AKAP9: variants seen among roughly 807,000 people sequenced by gnomAD.
AKAP9 encodes the protein A-kinase anchoring protein 9, also known as A-kinase anchor protein 9.
Under a neutral mutation model 488.5 loss-of-function variants are expected in AKAP9, and 311 were observed. The ratio of observed to expected loss-of-function variants is 0.64; its 90% CI spans 0.58 to 0.70. The LOEUF (loss-of-function observed/expected upper bound fraction) is 0.70, where lower values mean the gene tolerates loss of function less well. Among genes scored for constraint, AKAP9 ranks in the 30% least tolerant of loss-of-function variants. AKAP9 has a pLI of 0.00. For synonymous variants in AKAP9, 1,462 were observed against 1,483.5 expected, an observed-to-expected ratio of 0.99 and a Z score of 0.33; for missense variants, 4,215 against 4,374.5, an observed-to-expected ratio of 0.96 and a Z score of 1.03.
chr7:91,978,678 T>C (rs1447280631), intron 2 of AKAP9, among the ~76,000 whole-genome samples: 1 of 152,124 alleles, frequency 6.6e-6, no homozygotes, highest in African/African-American at 2.4e-5. Context: ...TCTTTAGTTA[T>C]TACTTTTTTT....
chr7:91,954,752 A>G (rs970230231), intron 1 of AKAP9, among the ~76,000 whole-genome samples: 1 of 152,144 alleles, frequency 6.6e-6, no homozygotes, highest in Admixed American at 6.5e-5. Flanking sequence ...AAATCAGAAA[A>G]TCTGCAGTGT....
rs1471190316 is a variant in AKAP9 at position 92,097,751 on chromosome 7, G to A, written c.10564G>A (p.Val3522Ile). The change falls in exon 42 of 50, where the codon GTA becomes ATA. Residue 3522 changes from valine (V) to isoleucine (I), a missense_variant. Transcript: ENST00000356239. ...AATGATCAGACAAAAGCTTCAATGT[G>A]TAGCTTCAAAACTACAGGTTCTACC... ...LEMIRQKLQC[V>I]ASKLQVLPQK... The A allele has an allele frequency of 2.5e-6, 4 of 1,614,204 alleles. No homozygotes were observed. The highest frequency in any genetic ancestry group is 3.3e-5 in the Admixed American group (2 of 60,028).
At position 92,083,028 on chromosome 7, in the gene AKAP9, G is replaced by T. The variant is rs893778399; in HGVS notation, c.8161-142G>T. 7.6e-6 allele frequency: 7 copies of T among 921,418 alleles called. No individual in the cohort carries two copies. The African/African-American group carries it at 1.0e-4, about 13-fold the overall frequency. The allele number at this position is 921,418 out of a possible 1,614,324, so 57.1% of individuals were successfully genotyped here. A position where few individuals can be genotyped will look rare whatever the true frequency, so the allele number is the denominator to read the frequency against. ...AAATATATATATGTAAACTGTGAGC[G>T]TTTCTGAAATGTTTTTCCTACTACT... On this transcript the variant is annotated intron_variant, in intron 32 of 49. Transcript: ENST00000356239.
chr7:91,993,150 AT>A (rs1491281365), intron 5 of AKAP9, 95 bp downstream of exon 5: 188 of 1,346,014 alleles, frequency 1.4e-4, no homozygotes, highest in East Asian at 1.9e-4. Context: ...GGTTTTTAAA[AT>A]TTTTTTTTAA....
chr7:92,092,392 A>C (rs1815784104), intron 38 of AKAP9: 1 of 152,210 alleles, frequency 6.6e-6, no homozygotes, highest in Non-Finnish European at 1.5e-5. Flanking sequence ...AGTGCTCATC[A>C]TTGTAGTAAC....
intron 26 of AKAP9, among the ~76,000 whole-genome samples, chr7:92,067,424 A>AT (rs1156878675): frequency 6.7e-6 from 1 of 150,354 alleles, no homozygotes. Context: ...AACCTGCCCC[A>AT]TTGCTGAGAA....
At chr7:91,998,652 G>C (rs1456558542) in intron 7 of AKAP9, among the ~76,000 whole-genome samples, 1 of 151,390 alleles carries the variant, frequency 6.6e-6, no homozygotes, top group African/African-American at 2.4e-5. Context: ...ATATAAATCA[G>C]GAAACAGAAA....
chr7:91,952,328 T>C (rs757568541), intron 1 of AKAP9, among the ~76,000 whole-genome samples: 4 of 152,200 alleles, frequency 2.6e-5, no homozygotes, highest in Non-Finnish European at 4.4e-5. Flanking sequence ...TTTGCTAAGA[T>C]GATAGGATAT....
chr7:92,065,471 T>G lies in AKAP9; in HGVS notation c.6210+8T>G, dbSNP rs746667150. The G allele has an allele frequency of 1.3e-6, 2 of 1,581,170 alleles. No individual in the cohort carries two copies. Among genetic ancestry groups the G allele is most frequent in the Non-Finnish European group, 1.7e-6 (2 of 1,151,916 alleles). ...ATGAGAAAATTTTTAGATGTAAGTA[T>G]TCTCAAGTTGAATACTGATTTTTCT... On this transcript the variant is annotated splice_region_variant and intron_variant, in intron 25 of 49. Transcript: ENST00000356239.
rs1223177321 is a variant in AKAP9, at chr7:92,070,965, C to G, written c.6568C>G (p.Gln2190Glu). The change falls in exon 28 of 50, where the codon CAA becomes GAA. Residue 2190 changes from glutamine (Q) to glutamate (E), a missense_variant. Coordinates refer to ENST00000356239, the MANE Select transcript of AKAP9 (RefSeq NM_005751.5). Reference sequence around the variant, plus strand: ...TAAACCAGAATTGTCCCTAGAAGTACAATTGCAGGCTGAACGAGATGCCAT... The same window carrying G: ...TAAACCAGAATTGTCCCTAGAAGTAGAATTGCAGGCTGAACGAGATGCCAT... The part of the protein sequence containing the change: ...EAKPELSLEV[Q>E]LQAERDAIDR... 2.5e-6 allele frequency: 4 copies of G among 1,613,728 alleles called. No homozygotes were observed. Among genetic ancestry groups the G allele is most frequent in the Admixed American group, 3.3e-5 (2 of 59,990 alleles).
intron 33 of AKAP9, 41 bp downstream of exon 33, chr7:92,083,696 GT>G (rs753973830): frequency 1.9e-5 from 29 of 1,561,966 alleles, no homozygotes; most frequent in South Asian, 3.5e-5. Flanking sequence ...ACATTGTGTG[GT>G]TTTTTAAAAA....
intron 20 of AKAP9, 171 bp downstream of exon 20, chr7:92,042,942 T>C (rs1021808330): frequency 8.7e-6 from 4 of 457,312 alleles, no homozygotes; most frequent in Non-Finnish European, 1.6e-5. Context: ...GGATTTTCAG[T>C]TTTTCATCAT....
chr7:91,999,108 T>C (rs1798797971), intron 7 of AKAP9, among the ~76,000 whole-genome samples: 1 of 152,200 alleles, frequency 6.6e-6, no homozygotes, highest in Non-Finnish European at 1.5e-5. Flanking sequence ...GGTTAATTTA[T>C]ATAGTACAGA....
chr7:92,082,543 A>G lies in AKAP9; in HGVS notation c.8041A>G (p.Ser2681Gly). ...VLKTTTELFH[S>G]NEESGFFNEL... The stretch of plus-strand genomic sequence containing the variant: ...TCAGACAACTACTGAGCTATTTCAT[A>G]GCAATGAAGAAAGTGGATTTTTTAA... The change falls in exon 32 of 50, where the codon AGC (serine) becomes GGC (glycine). Residue 2681 changes from serine (S) to glycine (G), a missense_variant. Ser to Gly is a moderately conservative substitution (Grantham distance 56). Around this residue, in one of 5 missense-constraint regions of AKAP9, gnomAD observed 1,476 missense variants for 1,477.4 expected, o/e 1.00. Transcript: ENST00000356239. The G allele has an allele frequency of 6.2e-7, 1 of 1,613,834 alleles. No homozygotes were observed. The highest frequency in any genetic ancestry group is 8.5e-7 in the Non-Finnish European group (1 of 1,179,832).
intron 40 of AKAP9, 35 bp downstream of exon 40, chr7:92,095,208 T>C (rs1816358757): frequency 6.2e-7 from 1 of 1,612,920 alleles, no homozygotes. Flanking sequence ...GTCTGGAAAA[T>C]CCAGAATGAT....
Position 92,079,688 on chromosome 7 carries a change from TATAAAC to T in AKAP9, c.7557_7562del (p.Tyr2519_Gln2521delinsTer). The T allele has an allele frequency of 6.2e-7, 1 of 1,614,058 alleles. No homozygotes were observed. The highest frequency in any genetic ancestry group is 8.5e-7 in the Non-Finnish European group (1 of 1,179,988). On this transcript the variant is annotated stop_gained and inframe_deletion, in exon 31 of 50. Transcript: ENST00000356239. LOFTEE classifies it high-confidence loss of function. ...AAAGGACTTAGAACTTACCCAGTGT[TATAAAC>T]AAATAAAAGACATGCAAGAACAAGG...
At chr7:91,974,795 C>T (rs941572373) in intron 2 of AKAP9, among the ~76,000 whole-genome samples, 1 of 151,718 alleles carries the variant, frequency 6.6e-6, no homozygotes, top group African/African-American at 2.4e-5. Flanking sequence ...TCAGTGTAAA[C>T]GTCTCACATT....
intron 43 of AKAP9, among the ~76,000 whole-genome samples, chr7:92,099,275 T>C (rs1817143787): frequency 6.6e-6 from 1 of 152,204 alleles, no homozygotes; most frequent in Non-Finnish European, 1.5e-5. Context: ...AACAACTTCC[T>C]GATAGGTCTA....
chr7:92,033,097 T>C (rs565454607), intron 16 of AKAP9, among the ~76,000 whole-genome samples: 12 of 152,308 alleles, frequency 7.9e-5, no homozygotes, highest in African/African-American at 2.6e-4. Flanking sequence ...TAAATACTAT[T>C]TTAAAAGTAG....
Sources: allele counts gnomAD v4.1 joint callset (sites outside exome capture counted in the v4.1 genomes callset), GRCh38; gene constraint gnomAD v4.1.1; regional missense constraint gnomAD v4.1.1; transcripts MANE v1.5; gene names NCBI Gene and HGNC (gene_info 2026-07-23, HGNC 2026-07-21).